Variants in SSBP3 observed in about 807,000 individuals in gnomAD.
The protein encoded by SSBP3 is single-stranded DNA-binding protein 3.
In SSBP3, 5 loss-of-function variants were observed where a neutral mutation model predicts 69.6. The ratio of observed to expected loss-of-function variants is 0.07; its 90% CI spans 0.04 to 0.15. The LOEUF (loss-of-function observed/expected upper bound fraction) is 0.15, where lower values mean the gene tolerates loss of function less well. SSBP3 is among the 10% of genes least tolerant of loss of function. SSBP3 has a pLI of 1.00. For missense variants in SSBP3, 312 were observed against 534.0 expected, an observed-to-expected ratio of 0.58 and a Z score of 4.10; for synonymous variants, 196 against 193.4, an observed-to-expected ratio of 1.01 and a Z score of -0.11.
At chr1:54,337,772 G>C (rs1373898292) in intron 4 of SSBP3, among the ~76,000 whole-genome samples, 1 of 152,048 alleles carries the variant, frequency 6.6e-6, no homozygotes, top group African/African-American at 2.4e-5. Flanking sequence ...TGGGATGATA[G>C]GCGTGGGCCA....
chr1:54,264,929 T>C (rs1458163149), intron 5 of SSBP3, among the ~76,000 whole-genome samples: 3 of 152,242 alleles, frequency 2.0e-5, no homozygotes, highest in African/African-American at 7.2e-5. Flanking sequence ...GCAGAGGACC[T>C]GCGGTACTGG....
chr1:54,239,780 T>G (rs1422003905), intron 13 of SSBP3, among the ~76,000 whole-genome samples: 1 of 152,096 alleles, frequency 6.6e-6, no homozygotes, highest in Non-Finnish European at 1.5e-5. Flanking sequence ...GGATCCCGGC[T>G]GCGGCCAGCT....
At chr1:54,280,068 C>G (rs1423726380) in intron 5 of SSBP3, among the ~76,000 whole-genome samples, 3 of 152,148 alleles carry the variant, frequency 2.0e-5, no homozygotes, top group Non-Finnish European at 4.4e-5. Context: ...ATCCAATGCC[C>G]CGGATGGCCA....
chr1:54,295,792 T>C (rs4927085), intron 4 of SSBP3, among the ~76,000 whole-genome samples: 111,651 of 152,080 alleles, frequency 0.73, 41,158 homozygotes, highest in East Asian at 0.94. Context: ...CACATGCCCT[T>C]CTCCCCTCCA....
At chr1:54,356,124 C>A (rs1435730338) in intron 4 of SSBP3, among the ~76,000 whole-genome samples, 1 of 152,158 alleles carries the variant, frequency 6.6e-6, no homozygotes, top group East Asian at 1.9e-4. Flanking sequence ...CTACGGCAAC[C>A]ATATCTTGCA....
At chr1:54,362,616 A>G (rs1386535903) in intron 4 of SSBP3, among the ~76,000 whole-genome samples, 1 of 152,224 alleles carries the variant, frequency 6.6e-6, no homozygotes, top group Non-Finnish European at 1.5e-5. Flanking sequence ...CCAGGAAGGA[A>G]CACTCAGTGG....
chr1:54,241,400 G>C (rs1644635718), intron 12 of SSBP3, 74 bp downstream of exon 12: 1 of 1,504,934 alleles, frequency 6.6e-7, no homozygotes, highest in South Asian at 1.1e-5. Flanking sequence ...AAGAAACGGG[G>C]ACCCCAGACC....
At chr1:54,309,345 G>T (rs960218416) in intron 4 of SSBP3, among the ~76,000 whole-genome samples, 2 of 152,194 alleles carry the variant, frequency 1.3e-5, no homozygotes, top group Admixed American at 6.5e-5. Flanking sequence ...ACTGAGTCGG[G>T]CCAGCCCAAG....
At chr1:54,402,262 T>TGAA (rs1376535719) in intron 3 of SSBP3, among the ~76,000 whole-genome samples, 1 of 152,170 alleles carries the variant, frequency 6.6e-6, no homozygotes, top group South Asian at 2.1e-4. Flanking sequence ...AGGGGGCAAC[T>TGAA]GAAGCTCCAA....
chr1:54,290,666 G>A (rs1645588163), intron 4 of SSBP3, among the ~76,000 whole-genome samples: 1 of 152,192 alleles, frequency 6.6e-6, no homozygotes, highest in South Asian at 2.1e-4. Flanking sequence ...GGAGCCCCAT[G>A]TATTTAATAA....
intron 4 of SSBP3, among the ~76,000 whole-genome samples, chr1:54,398,537 G>A (rs914987932): frequency 6.6e-6 from 1 of 152,226 alleles, no homozygotes; most frequent in African/African-American, 2.4e-5. Context: ...TGGGCACACA[G>A]TTAGAGACAC....
At chr1:54,346,558 T>C (rs538347682) in intron 4 of SSBP3, among the ~76,000 whole-genome samples, 1 of 152,182 alleles carries the variant, frequency 6.6e-6, no homozygotes. Flanking sequence ...CTCACACCTG[T>C]AATCCCAACA....
In SSBP3 at chr1:54,404,943, CAG is replaced by C. The variant is rs751459473; in HGVS notation, c.57-15_57-14del. 9.9e-6 allele frequency: 16 copies of C among 1,610,730 alleles called. No individual in the cohort carries two copies. In the African/African-American group the frequency reaches 1.7e-4, roughly 18 times the overall value. ...GTATAAAGCTAACCTGGAAAGTGGA[CAG>C]GGGGCAAAGAGAGAGAGGGAAAGGC... On this transcript the variant is annotated splice_polypyrimidine_tract_variant and intron_variant, in intron 1 of 17. Coordinates refer to ENST00000610401, the Ensembl canonical transcript of SSBP3.
At chr1:54,369,224 G>A (rs924825632) in intron 4 of SSBP3, among the ~76,000 whole-genome samples, 1 of 150,538 alleles carries the variant, frequency 6.6e-6, no homozygotes, top group Non-Finnish European at 1.5e-5. Context: ...GAGTCGGGGG[G>A]GGGGCCCAAG....
chr1:54,407,043 C>T (rs944807995), upstream of SSBP3, among the ~76,000 whole-genome samples: 3 of 152,000 alleles, frequency 2.0e-5, no homozygotes, highest in Non-Finnish European at 4.4e-5. Context: ...CTGGGCGGCT[C>T]GAGCCGGCGC....
intron 5 of SSBP3, among the ~76,000 whole-genome samples, chr1:54,268,681 CT>C (rs1645142906): frequency 6.6e-6 from 1 of 152,336 alleles, no homozygotes; most frequent in South Asian, 2.1e-4. Flanking sequence ...TTTTTCATGC[CT>C]TTTCCTCCCT....
intron 4 of SSBP3, among the ~76,000 whole-genome samples, chr1:54,383,698 G>A (rs1467560575): frequency 6.6e-6 from 1 of 152,168 alleles, no homozygotes; most frequent in East Asian, 1.9e-4. Context: ...GAAATCAGAA[G>A]TGGGCTATTT....
intron 4 of SSBP3, among the ~76,000 whole-genome samples, chr1:54,373,703 G>C (rs1346634116): frequency 2.0e-5 from 3 of 151,680 alleles, no homozygotes; most frequent in Non-Finnish European, 4.4e-5. Context: ...GGAGGTGGAA[G>C]CTGCAGGGAG....
intron 4 of SSBP3, among the ~76,000 whole-genome samples, chr1:54,311,318 G>A (rs1645997841): frequency 6.6e-6 from 1 of 152,150 alleles, no homozygotes; most frequent in Non-Finnish European, 1.5e-5. Flanking sequence ...CCCTGCTTCG[G>A]AACAGAAGCC....
Sources: gnomAD v4.1 joint callset for allele counts (sites outside exome capture counted in the v4.1 genomes callset) on GRCh38, gnomAD v4.1.1 for gene constraint, MANE v1.5 for transcripts, NCBI Gene and HGNC (gene_info 2026-07-23, HGNC 2026-07-21) for gene names.